CNNM4: variants seen among roughly 807,000 people sequenced by gnomAD.
The protein encoded by CNNM4 is cyclin and CBS domain divalent metal cation transport mediator 4.
A neutral mutation model predicts 53.7 loss-of-function variants in CNNM4; 32 were observed. The ratio of observed to expected loss-of-function variants is 0.60; its 90% CI spans 0.45 to 0.80. The LOEUF is 0.80. CNNM4 is among the 30% of genes least tolerant of loss of function. The probability of loss-of-function intolerance (pLI) is 0.00; values close to 1 mark genes in which losing one functional copy is unlikely to be tolerated. For missense variants in CNNM4, 784 were observed against 1,022.0 expected, an observed-to-expected ratio of 0.77 and a Z score of 3.17; for synonymous variants, 410 against 440.0, an observed-to-expected ratio of 0.93 and a Z score of 0.85.
intron 1 of CNNM4, among the ~76,000 whole-genome samples, chr2:96,764,839 T>C (rs938291408): frequency 6.6e-6 from 1 of 151,812 alleles, no homozygotes; most frequent in Admixed American, 6.6e-5. Flanking sequence ...TACAAAAAAT[T>C]ATCCAGCCGT....
chr2:96,781,021 C>G (rs1462114401), intron 1 of CNNM4, among the ~76,000 whole-genome samples: 3 of 142,638 alleles, frequency 2.1e-5, no homozygotes, highest in Non-Finnish European at 4.6e-5. Flanking sequence ...CTGTGTTGCC[C>G]AGGCTGGAAT....
chr2:96,778,492 G>A (rs1574063099), intron 1 of CNNM4, among the ~76,000 whole-genome samples: 1 of 151,490 alleles, frequency 6.6e-6, no homozygotes, highest in Non-Finnish European at 1.5e-5. Flanking sequence ...GGGAGGTGGA[G>A]GTTGCAGTGA....
intron 1 of CNNM4, among the ~76,000 whole-genome samples, chr2:96,768,429 G>C (rs973028228): frequency 1.3e-5 from 2 of 152,176 alleles, no homozygotes; most frequent in African/African-American, 4.8e-5. Flanking sequence ...ACAACGCCTA[G>C]CTGCACAGAG....
In CNNM4 at chr2:96,801,972, CAA is replaced by C. The variant is rs760470256; in HGVS notation, c.1948+2326_1948+2327del. Among the ~76,000 whole-genome samples, 13 of 150,858 alleles carry C rather than the reference CAA, an allele frequency of 8.6e-5. No homozygotes were observed. The highest frequency in any genetic ancestry group is 6.3e-4 in the South Asian group (3 of 4,730). On this transcript the variant is annotated intron_variant, in intron 5 of 6. Coordinates refer to ENST00000377075, the MANE Select transcript of CNNM4 (RefSeq NM_020184.4). This position sits in a 1 kb window ranked among gnomAD's most constrained non-coding sequence, Gnocchi z 5.6. ...AGGCACACACCCATAGGCACACACA[CAA>C]AGAGACACACACAGACACACACCCA...
intron 1 of CNNM4, among the ~76,000 whole-genome samples, chr2:96,791,575 A>T (rs2079062756): frequency 6.6e-6 from 1 of 151,728 alleles, no homozygotes; most frequent in South Asian, 2.1e-4. Context: ...GGCAAAAGAG[A>T]AAGACTCCGT....
chr2:96,809,210 C>G, intron 6 of CNNM4, 110 bp from the exon 7 acceptor site: 1 of 1,555,052 alleles, frequency 6.4e-7, no homozygotes. Context: ...GCTGACTGGT[C>G]ATGTTCTCTC....
In CNNM4 at chr2:96,797,694, G is replaced by C; in HGVS notation, c.1681+47G>C. 1 of 1,609,652 alleles carries C rather than the reference G, an allele frequency of 6.2e-7. No homozygotes were observed. Among genetic ancestry groups the C allele is most frequent in the Non-Finnish European group, 8.5e-7 (1 of 1,179,650 alleles). On this transcript the variant is annotated intron_variant, in intron 3 of 6. Coordinates refer to ENST00000377075, the MANE Select transcript of CNNM4 (RefSeq NM_020184.4). The surrounding 1 kb of genome is among the most constrained non-coding windows in gnomAD (Gnocchi z 6.0). The stretch of plus-strand genomic sequence containing the variant: ...GGTCTTGGTGGAAATACGGTCACGG[G>C]GGAGAAGTCCTGGGTTTCCGGCTGC...
intron 1 of CNNM4, among the ~76,000 whole-genome samples, chr2:96,791,621 AAAAC>A (rs1368034183): frequency 6.6e-6 from 1 of 151,968 alleles, no homozygotes; most frequent in Non-Finnish European, 1.5e-5. Context: ...CATGGAAATT[AAAAC>A]AATACATCTA....
At chr2:96,780,212 T>TA in intron 1 of CNNM4, among the ~76,000 whole-genome samples, 1 of 152,178 alleles carries the variant, frequency 6.6e-6, no homozygotes, top group Middle Eastern at 3.2e-3. Flanking sequence ...CTTACACATC[T>TA]TTTCTTGAGT....
At chr2:96,795,498 C>CA (rs2079095861) in intron 1 of CNNM4, among the ~76,000 whole-genome samples, 1 of 150,094 alleles carries the variant, frequency 6.7e-6, no homozygotes, top group Non-Finnish European at 1.5e-5. Flanking sequence ...CCCCCCCCCC[C>CA]ATCACATGGG....
chr2:96,808,274 A>G lies in CNNM4; in HGVS notation c.1949-287A>G, dbSNP rs918736859. On this transcript the variant is annotated intron_variant, in intron 5 of 6. Coordinates refer to ENST00000377075, the MANE Select transcript of CNNM4 (RefSeq NM_020184.4). This position sits in a 1 kb window ranked among gnomAD's most constrained non-coding sequence, Gnocchi z 4.9. Reference sequence around the variant, plus strand: ...TGTTGTGGGAAACGAGAGATTTTGTAGCCATAAACTTTCTAAGTCTGTGGT... The same window carrying G: ...TGTTGTGGGAAACGAGAGATTTTGTGGCCATAAACTTTCTAAGTCTGTGGT... 1.3e-5 allele frequency among the ~76,000 whole-genome samples: 2 copies of G among 152,212 alleles called. No individual in the cohort carries two copies. The highest frequency in any genetic ancestry group is 6.5e-5 in the Admixed American group (1 of 15,284).
chr2:96,770,124 G>A (rs774882969), intron 1 of CNNM4, among the ~76,000 whole-genome samples: 5 of 152,246 alleles, frequency 3.3e-5, no homozygotes, highest in South Asian at 2.1e-4. Context: ...CCAGCACTGA[G>A]AGGACACTCA....
chr2:96,783,993 A>C (rs2078996291), intron 1 of CNNM4, among the ~76,000 whole-genome samples: 1 of 152,238 alleles, frequency 6.6e-6, no homozygotes. Context: ...ATACACAGTT[A>C]ACAGTAGTTA....
chr2:96,767,915 T>C (rs1231993401), intron 1 of CNNM4, among the ~76,000 whole-genome samples: 2 of 152,042 alleles, frequency 1.3e-5, no homozygotes, highest in African/African-American at 2.4e-5. Flanking sequence ...ACTAAAAAAA[T>C]GCAAAAATTA....
chr2:96,811,275 G>A lies in CNNM4; in HGVS notation c.*1758G>A, dbSNP rs537549930. On this transcript the variant is annotated 3_prime_UTR_variant, in exon 7 of 7. Transcript: ENST00000377075. Reference sequence around the variant, plus strand: ...GACTTTTGTTCCCTAGTGGGGGAAAGCCCTTAGTCTTGTACAGGAGCAGCT... The same window carrying A: ...GACTTTTGTTCCCTAGTGGGGGAAAACCCTTAGTCTTGTACAGGAGCAGCT... 6.6e-6 allele frequency: 1 copy of A among 152,346 alleles called. No individual in the cohort carries two copies. Among genetic ancestry groups the A allele is most frequent in the Admixed American group, 6.5e-5 (1 of 15,302 alleles). 9.4% of individuals were successfully genotyped at this position (152,346 alleles called of 1,614,324 possible).
intron 1 of CNNM4, among the ~76,000 whole-genome samples, chr2:96,783,995 C>T (rs1054881317): frequency 6.6e-6 from 1 of 152,164 alleles, no homozygotes; most frequent in Admixed American, 6.5e-5. Context: ...ACACAGTTAA[C>T]AGTAGTTATC....
In CNNM4 at chr2:96,787,944, A is replaced by G. The variant is rs186228058; in HGVS notation, c.1403-9068A>G. Among the ~76,000 whole-genome samples, 14 of 152,286 alleles carry G rather than the reference A, an allele frequency of 9.2e-5. No homozygotes were observed. The East Asian group carries it at 2.7e-3, about 29-fold the overall frequency. On this transcript the variant is annotated intron_variant, in intron 1 of 6. Coordinates refer to ENST00000377075, the MANE Select transcript of CNNM4 (RefSeq NM_020184.4). Reference sequence around the variant, plus strand: ...TTTGTTTTGTTTGCTTGTTTTTGAGACAGAGTCTCGCTGTGTTGCCCAGGC... The same window carrying G: ...TTTGTTTTGTTTGCTTGTTTTTGAGGCAGAGTCTCGCTGTGTTGCCCAGGC...
intron 1 of CNNM4, among the ~76,000 whole-genome samples, chr2:96,780,376 G>T (rs905283232): frequency 5.3e-5 from 8 of 150,834 alleles, no homozygotes; most frequent in Non-Finnish European, 1.2e-4. Context: ...GATTCCACAG[G>T]TTTAAGGTTT....
At chr2:96,767,547 G>C (rs1280572798) in intron 1 of CNNM4, among the ~76,000 whole-genome samples, 1 of 152,176 alleles carries the variant, frequency 6.6e-6, no homozygotes, top group African/African-American at 2.4e-5. Context: ...CCACCTTCCA[G>C]CTTCTAGCTG....
Sources: gnomAD v4.1 joint callset for allele counts (sites outside exome capture counted in the v4.1 genomes callset) on GRCh38, gnomAD v4.1.1 for gene constraint, Gnocchi (gnomAD v3.1) non-coding constraint, MANE v1.5 for transcripts, NCBI Gene and HGNC (gene_info 2026-07-23, HGNC 2026-07-21) for gene names.